Variants in SAMTOR observed in about 807,000 individuals in gnomAD.
SAMTOR encodes the protein UPF0532 protein C7orf60.
chr7:112,926,214 C>T, the SAMTOR span, among the ~76,000 whole-genome samples: 1 of 152,240 alleles, frequency 6.6e-6, no homozygotes, highest in Admixed American at 6.5e-5. Flanking sequence ...TGTCTATCTA[C>T]CATGGGTGAG....
the SAMTOR span, among the ~76,000 whole-genome samples, chr7:112,890,733 C>T: frequency 1.3e-5 from 2 of 151,568 alleles, no homozygotes; most frequent in African/African-American, 4.8e-5. Context: ...GTCACTCAGG[C>T]TGGAGTACAG....
chr7:112,924,848 C>T, the SAMTOR span, among the ~76,000 whole-genome samples: 2 of 151,432 alleles, frequency 1.3e-5, no homozygotes, highest in Non-Finnish European at 1.5e-5. Context: ...GACTTGAATT[C>T]CTATTAATGT....
At chr7:112,844,774 G>T in the SAMTOR span, among the ~76,000 whole-genome samples, 1 of 152,078 alleles carries the variant, frequency 6.6e-6, no homozygotes, top group Non-Finnish European at 1.5e-5. Flanking sequence ...CCCTAGAAAA[G>T]TACCCAAATT....
the SAMTOR span, chr7:112,915,353 A>G: frequency 1.5e-5 from 24 of 1,613,358 alleles, no homozygotes; most frequent in African/African-American, 6.7e-5. Flanking sequence ...TTTTTGCCCA[A>G]TGATTATCTG....
At chr7:112,872,785 C>G in the SAMTOR span, among the ~76,000 whole-genome samples, 18 of 147,050 alleles carry the variant, frequency 1.2e-4, no homozygotes, top group Non-Finnish European at 3.0e-5. Flanking sequence ...GATACAAAAT[C>G]AATGTATAAA....
the SAMTOR span, among the ~76,000 whole-genome samples, chr7:112,876,214 C>T: frequency 2.0e-5 from 3 of 152,132 alleles, no homozygotes; most frequent in East Asian, 5.8e-4. Context: ...CCTGTCTCAA[C>T]CTTCCAAAGT....
the SAMTOR span, among the ~76,000 whole-genome samples, chr7:112,919,884 C>T: frequency 1.3e-5 from 2 of 152,144 alleles, no homozygotes; most frequent in Admixed American, 1.3e-4. Context: ...ATACACCCTC[C>T]CAAGACTAAA....
the SAMTOR span, among the ~76,000 whole-genome samples, chr7:112,846,537 T>C: frequency 6.6e-6 from 1 of 152,200 alleles, no homozygotes; most frequent in African/African-American, 2.4e-5. Flanking sequence ...AAGATTTTTC[T>C]CTTGCTGTTC....
At chr7:112,887,092 G>C in the SAMTOR span, among the ~76,000 whole-genome samples, 1 of 151,910 alleles carries the variant, frequency 6.6e-6, no homozygotes, top group Non-Finnish European at 1.5e-5. Flanking sequence ...CTTGAACCAG[G>C]ACCTGGGAGG....
the SAMTOR span, among the ~76,000 whole-genome samples, chr7:112,901,151 C>T: frequency 6.6e-6 from 1 of 152,202 alleles, no homozygotes; most frequent in Admixed American, 6.5e-5. Flanking sequence ...TCAGGGGTCC[C>T]CAACCCCCAG....
At chr7:112,833,170 T>C in the SAMTOR span, among the ~76,000 whole-genome samples, 1 of 152,220 alleles carries the variant, frequency 6.6e-6, no homozygotes, top group Non-Finnish European at 1.5e-5. Context: ...TATCTGCTTT[T>C]GCATTCAGGC....
chr7:112,845,455 T>C, the SAMTOR span, among the ~76,000 whole-genome samples: 1 of 152,112 alleles, frequency 6.6e-6, no homozygotes, highest in Non-Finnish European at 1.5e-5. Context: ...CTCAACAGAA[T>C]ACATACACGT....
chr7:112,888,310 T>C, the SAMTOR span, among the ~76,000 whole-genome samples: 7,605 of 152,216 alleles, frequency 0.05, 623 homozygotes, highest in African/African-American at 0.17. Flanking sequence ...TAATGATCTA[T>C]CTTTTTAAAT....
At chr7:112,821,572 A>T in the SAMTOR span, 25 of 549,174 alleles carry the variant, frequency 4.6e-5, no homozygotes, top group Middle Eastern at 5.0e-4. Flanking sequence ...TAAGCTTTCT[A>T]TATAAGAATA....
At chr7:112,934,952 T>C in the SAMTOR span, among the ~76,000 whole-genome samples, 1 of 152,200 alleles carries the variant, frequency 6.6e-6, no homozygotes, top group Non-Finnish European at 1.5e-5. Context: ...GAACTGACTA[T>C]ATAAATGGTC....
At chr7:112,913,294 C>T in the SAMTOR span, among the ~76,000 whole-genome samples, 2 of 152,102 alleles carry the variant, frequency 1.3e-5, no homozygotes, top group Non-Finnish European at 2.9e-5. Context: ...TTTTCAATTC[C>T]CTTACATATC....
chr7:112,886,378 G>C, the SAMTOR span, among the ~76,000 whole-genome samples: 1 of 152,086 alleles, frequency 6.6e-6, no homozygotes, highest in Admixed American at 6.5e-5. Context: ...TATCTTTCTG[G>C]AAAGGAATTC....
chr7:112,900,947 C>T, the SAMTOR span, among the ~76,000 whole-genome samples: 14 of 152,234 alleles, frequency 9.2e-5, no homozygotes, highest in East Asian at 2.3e-3. Context: ...TAAAAGGTAA[C>T]ATAGGAGAAA....
chr7:112,838,746 C>CA, the SAMTOR span, among the ~76,000 whole-genome samples: 343 of 149,486 alleles, frequency 2.3e-3, 3 homozygotes, highest in East Asian at 0.012. Flanking sequence ...ATTCTAAGGA[C>CA]AAAAAAAAAG....
Sources: gnomAD v4.1 joint callset for allele counts (sites outside exome capture counted in the v4.1 genomes callset) on GRCh38, gnomAD v4.1.1 for gene constraint, MANE v1.5 for transcripts, NCBI Gene and HGNC (gene_info 2026-07-23, HGNC 2026-07-21) for gene names.